Variants in DLG2 observed in about 807,000 individuals in gnomAD.
DLG2 encodes the protein disks large homolog 2.
Under a neutral mutation model 132.5 loss-of-function variants are expected in DLG2, and 45 were observed. That is an observed-to-expected ratio of 0.34 (90% CI 0.27 to 0.44). The LOEUF is 0.44. Ranked by LOEUF, DLG2 falls within the 20% of genes least tolerant of loss-of-function variation. DLG2 has a pLI of 1.00. For missense variants in DLG2, 1,045 were observed against 1,196.9 expected, an observed-to-expected ratio of 0.87 and a Z score of 1.87; for synonymous variants, 424 against 419.6, an observed-to-expected ratio of 1.01 and a Z score of -0.13.
intron 6 of DLG2, among the ~76,000 whole-genome samples, chr11:85,005,570 T>C (rs1381751242): frequency 4.6e-5 from 7 of 152,224 alleles, no homozygotes; most frequent in Non-Finnish European, 2.9e-5. Flanking sequence ...TTTTTGCTCA[T>C]TGATTTTCTA....
At chr11:83,754,571 A>G (rs1019016368) in intron 18 of DLG2, among the ~76,000 whole-genome samples, 13 of 151,408 alleles carry the variant, frequency 8.6e-5, no homozygotes, top group Non-Finnish European at 1.9e-4. Context: ...TAAATAAAAT[A>G]GGGGTCTATT....
At chr11:84,883,363 G>A (rs941225973) in intron 6 of DLG2, among the ~76,000 whole-genome samples, 4 of 151,854 alleles carry the variant, frequency 2.6e-5, no homozygotes, top group African/African-American at 9.7e-5. Context: ...AATGTATGCG[G>A]GGCTTAAAAC....
intron 18 of DLG2, among the ~76,000 whole-genome samples, chr11:83,679,391 G>A (rs1047190308): frequency 1.3e-5 from 2 of 152,080 alleles, no homozygotes; most frequent in African/African-American, 4.8e-5. Flanking sequence ...AACGTGGAAA[G>A]CTATGATATG....
chr11:85,164,736 A>G (rs942013625), intron 4 of DLG2, among the ~76,000 whole-genome samples: 3 of 152,190 alleles, frequency 2.0e-5, no homozygotes, highest in Admixed American at 1.3e-4. Flanking sequence ...ACTGATATAT[A>G]TTTTATGTGC....
chr11:85,312,247 G>A (rs1182963302), intron 3 of DLG2, among the ~76,000 whole-genome samples: 1 of 151,664 alleles, frequency 6.6e-6, no homozygotes, highest in Non-Finnish European at 1.5e-5. Context: ...AACCAATAAT[G>A]GATAATACCT....
chr11:85,534,756 T>C (rs1018657395), intron 3 of DLG2, among the ~76,000 whole-genome samples: 2 of 152,232 alleles, frequency 1.3e-5, no homozygotes, highest in Non-Finnish European at 2.9e-5. Flanking sequence ...GCATCTAGCT[T>C]GGCTCCATGT....
chr11:85,234,125 A>T (rs1262641071), intron 4 of DLG2, among the ~76,000 whole-genome samples: 1 of 151,900 alleles, frequency 6.6e-6, no homozygotes, highest in Non-Finnish European at 1.5e-5. Flanking sequence ...CTAGTAGGGG[A>T]AACAGACATT....
At chr11:84,913,272 C>T (rs1464248964) in intron 6 of DLG2, among the ~76,000 whole-genome samples, 1 of 152,210 alleles carries the variant, frequency 6.6e-6, no homozygotes, top group East Asian at 1.9e-4. Context: ...TGTTAGGAGA[C>T]TAGCTAGAGA....
chr11:84,443,414 T>C (rs1198767542), intron 7 of DLG2, among the ~76,000 whole-genome samples: 3 of 152,214 alleles, frequency 2.0e-5, no homozygotes, highest in Non-Finnish European at 4.4e-5. Flanking sequence ...CAAGTTTCTT[T>C]AGAGCAGGTC....
intron 19 of DLG2, among the ~76,000 whole-genome samples, chr11:83,595,712 C>T (rs2057459681): frequency 6.6e-6 from 1 of 152,182 alleles, no homozygotes; most frequent in South Asian, 2.1e-4. Flanking sequence ...GAGACACCAT[C>T]TAACCGAAAT....
intron 21 of DLG2, among the ~76,000 whole-genome samples, chr11:83,531,612 A>G (rs1411102423): frequency 2.6e-5 from 4 of 152,046 alleles, no homozygotes; most frequent in Non-Finnish European, 5.9e-5. Context: ...TTAAGCATAG[A>G]GTTACTATAT....
intron 3 of DLG2, among the ~76,000 whole-genome samples, chr11:85,567,487 G>A (rs2077593009): frequency 6.6e-6 from 1 of 151,936 alleles, no homozygotes; most frequent in South Asian, 2.1e-4. Context: ...GATTGCTTTT[G>A]TATTCTACAA....
At chr11:83,888,033 C>A (rs993602044) in intron 15 of DLG2, among the ~76,000 whole-genome samples, 2 of 143,718 alleles carry the variant, frequency 1.4e-5, no homozygotes, top group African/African-American at 5.2e-5. Context: ...CCTTTGAAAA[C>A]TGGCACAAGA....
At chr11:83,546,456 G>C (rs1168989493) in intron 19 of DLG2, among the ~76,000 whole-genome samples, 1 of 152,042 alleles carries the variant, frequency 6.6e-6, no homozygotes, top group East Asian at 1.9e-4. Context: ...AGATAGTAAT[G>C]GCACTAACGC....
intron 7 of DLG2, among the ~76,000 whole-genome samples, chr11:84,389,461 G>A (rs1253152195): frequency 6.6e-6 from 1 of 151,970 alleles, no homozygotes; most frequent in Admixed American, 6.6e-5. Flanking sequence ...GGTATATATT[G>A]TTTTGTATTA....
intron 19 of DLG2, among the ~76,000 whole-genome samples, chr11:83,554,599 A>G (rs1430337263): frequency 6.6e-6 from 1 of 152,182 alleles, no homozygotes; most frequent in Admixed American, 6.5e-5. Context: ...ATTTGCATTT[A>G]TTTTAATATT....
intron 3 of DLG2, among the ~76,000 whole-genome samples, chr11:85,356,433 T>C (rs1418256772): frequency 6.6e-6 from 1 of 152,078 alleles, no homozygotes; most frequent in African/African-American, 2.4e-5. Context: ...AAATGTAAAG[T>C]GAAAATGCAA....
intron 7 of DLG2, among the ~76,000 whole-genome samples, chr11:84,259,385 G>C (rs2097524503): frequency 6.6e-6 from 1 of 152,008 alleles, no homozygotes; most frequent in Non-Finnish European, 1.5e-5. Context: ...AACTAGGTGG[G>C]TGCAGTTCAA....
At chr11:85,341,051 GT>G (rs537663037) in intron 3 of DLG2, among the ~76,000 whole-genome samples, 39 of 152,052 alleles carry the variant, frequency 2.6e-4, no homozygotes, top group Non-Finnish European at 4.7e-4. Context: ...TTCTTGTTGA[GT>G]TAATCATTGA....
Sources: allele counts gnomAD v4.1 joint callset (sites outside exome capture counted in the v4.1 genomes callset), GRCh38; gene constraint gnomAD v4.1.1; transcripts MANE v1.5; gene names NCBI Gene and HGNC (gene_info 2026-07-23, HGNC 2026-07-21).